NPFFR2: variants seen among roughly 807,000 people sequenced by gnomAD.
The protein encoded by NPFFR2 is neuropeptide FF receptor 2, also known as G-protein coupled receptor 74.
NPFFR2 carries 15 observed loss-of-function variants against 13.1 expected under a neutral mutation model. The observed-to-expected ratio is 1.15, with a 90% CI of 0.77 to 1.76. NPFFR2 has a LOEUF of 1.76. Among genes scored for constraint, NPFFR2 ranks in the 40% most tolerant of loss-of-function variants. The probability of loss-of-function intolerance (pLI) is 0.00; values close to 1 mark genes in which losing one functional copy is unlikely to be tolerated. For synonymous variants in NPFFR2, 190 were observed against 175.7 expected (o/e 1.08, Z -0.65); for missense variants, 572 against 503.5 (o/e 1.14, Z -1.30).
chr4:72,101,778 G>A (rs1029826905), intron 1 of NPFFR2, among the ~76,000 whole-genome samples: 1 of 152,010 alleles, frequency 6.6e-6, no homozygotes, highest in African/African-American at 2.4e-5. Context: ...ATAATCAGCT[G>A]GAACAGAGTG....
intron 1 of NPFFR2, among the ~76,000 whole-genome samples, chr4:72,124,140 C>A (rs2109830334): frequency 6.6e-6 from 1 of 152,272 alleles, no homozygotes; most frequent in East Asian, 1.9e-4. Flanking sequence ...AGAGCCAAAT[C>A]ATGAGTGAAC....
intron 1 of NPFFR2, among the ~76,000 whole-genome samples, chr4:72,107,848 A>G (rs1173308155): frequency 6.6e-6 from 1 of 152,078 alleles, no homozygotes; most frequent in Non-Finnish European, 1.5e-5. Flanking sequence ...AATTGTATGA[A>G]ATAGACTAAA....
intron 1 of NPFFR2, among the ~76,000 whole-genome samples, chr4:72,099,508 G>A (rs1215113543): frequency 1.3e-5 from 2 of 152,066 alleles, no homozygotes; most frequent in Non-Finnish European, 2.9e-5. Context: ...GAGGCCTTGG[G>A]GAGTTTTTAC....
chr4:72,117,728 C>T (rs1721753610), intron 1 of NPFFR2, among the ~76,000 whole-genome samples: 1 of 152,188 alleles, frequency 6.6e-6, no homozygotes, highest in Admixed American at 6.5e-5. Context: ...AACTGTTTCC[C>T]TGATGGAATG....
intron 1 of NPFFR2, among the ~76,000 whole-genome samples, chr4:72,123,436 A>G (rs954042646): frequency 3.9e-5 from 6 of 152,248 alleles, no homozygotes; most frequent in Non-Finnish European, 5.9e-5. Context: ...TCATCAGGAT[A>G]CCAAAACCTG....
chr4:72,046,195 C>T lies in NPFFR2; in HGVS notation c.-8+13995C>T, dbSNP rs541720396. Among the ~76,000 whole-genome samples the T allele has an allele frequency of 1.2e-3, 186 of 152,258 alleles. 2 individuals are homozygous for T. In the South Asian group the frequency reaches 0.015, roughly 12 times the overall value. ...TGGATAGTTACTTATACTTTTCCTG[C>T]TTCAGCACTGTAAAATATAGATAAT... On this transcript the variant is annotated intron_variant, in intron 1 of 3. Coordinates refer to ENST00000308744, the MANE Select transcript of NPFFR2 (RefSeq NM_004885.3).
chr4:72,075,172 A>G (rs558171863), intron 1 of NPFFR2, among the ~76,000 whole-genome samples: 1 of 152,238 alleles, frequency 6.6e-6, no homozygotes, highest in Non-Finnish European at 1.5e-5. Context: ...TAAAGCAGGT[A>G]GAAAAACATG....
chr4:72,042,562 A>G (rs1248338770), intron 1 of NPFFR2, among the ~76,000 whole-genome samples: 1 of 152,218 alleles, frequency 6.6e-6, no homozygotes, highest in African/African-American at 2.4e-5. Context: ...CAAAATGCTG[A>G]TAGTGATATG....
In NPFFR2 at chr4:72,147,426, C is replaced by T. The variant is rs1365044595; in HGVS notation, c.877C>T (p.Leu293=). The T allele has an allele frequency of 1.2e-6, 2 of 1,614,196 alleles. No homozygotes were observed. Among genetic ancestry groups the T allele is most frequent in the South Asian group, 1.1e-5 (1 of 91,086 alleles). ...FILSWLPLWT[L]MMLSDYADLS... ...TCTCTCATGGCTGCCCCTGTGGACTCTAATGATGCTCTCAGACTACGCTGA... is the reference window on the plus strand; with the variant it reads ...TCTCTCATGGCTGCCCCTGTGGACTTTAATGATGCTCTCAGACTACGCTGA... The change falls in exon 4 of 4, where the codon CTA becomes TTA. Residue 293 remains leucine, a synonymous_variant. Transcript: ENST00000308744.
intron 1 of NPFFR2, among the ~76,000 whole-genome samples, chr4:72,118,137 T>TATA (rs1481977094): frequency 2.6e-5 from 4 of 152,182 alleles, no homozygotes; most frequent in Non-Finnish European, 5.9e-5. Flanking sequence ...ATAAATTATA[T>TATA]TGTAAGGTTG....
rs749895997 is a variant in NPFFR2, at chr4:72,147,005, A to G, written c.456A>G (p.Lys152=). The G allele has an allele frequency of 9.4e-5, 152 of 1,613,550 alleles. No homozygotes were observed. Among genetic ancestry groups the G allele is most frequent in the Non-Finnish European group, 1.2e-4 (140 of 1,179,794 alleles). Residue 152 remains lysine, a synonymous_variant, in exon 4 of 4, where the codon AAA becomes AAG. Coordinates refer to ENST00000308744, the MANE Select transcript of NPFFR2 (RefSeq NM_004885.3). ...DRFQCVVYPF[K]PKLTIKTAFV... is the part of the protein sequence containing the mutation. ...TCCAGTGTGTGGTCTACCCTTTTAAACCAAAGCTCACTATCAAGACAGCGT... is the reference window on the plus strand; with the variant it reads ...TCCAGTGTGTGGTCTACCCTTTTAAGCCAAAGCTCACTATCAAGACAGCGT...
intron 3 of NPFFR2, among the ~76,000 whole-genome samples, chr4:72,143,760 C>A (rs1191576733): frequency 1.3e-5 from 2 of 152,288 alleles, no homozygotes; most frequent in Non-Finnish European, 2.9e-5. Flanking sequence ...ATCTCTGTAT[C>A]TCAAATCCAA....
intron 1 of NPFFR2, among the ~76,000 whole-genome samples, chr4:72,094,425 A>T (rs1002343860): frequency 6.6e-6 from 1 of 152,170 alleles, no homozygotes; most frequent in African/African-American, 2.4e-5. Context: ...CCAGGAGACT[A>T]TGTCCTTTGT....
rs1720667281 is a variant in NPFFR2, at chr4:72,082,833, C to T, written c.-7-45752C>T. Among the ~76,000 whole-genome samples, 4 of 152,230 alleles carry T rather than the reference C, an allele frequency of 2.6e-5. No homozygotes were observed. The South Asian group carries it at 8.3e-4, about 32-fold the overall frequency. On this transcript the variant is annotated intron_variant, in intron 1 of 3. Transcript: ENST00000308744. Reference sequence around the variant, plus strand: ...CACCTGCCCACCCCAGCCCCCACTCCCTGGTAGCCCCTATTTTCCAATCTA... The same window carrying T: ...CACCTGCCCACCCCAGCCCCCACTCTCTGGTAGCCCCTATTTTCCAATCTA...
At chr4:72,035,037 G>A (rs967548524) in intron 1 of NPFFR2, among the ~76,000 whole-genome samples, 7 of 152,204 alleles carry the variant, frequency 4.6e-5, no homozygotes, top group African/African-American at 1.4e-4. Flanking sequence ...GTAAAAGGAT[G>A]AATTATAATT....
At chr4:72,081,051 G>A (rs1443729606) in intron 1 of NPFFR2, among the ~76,000 whole-genome samples, 1 of 152,094 alleles carries the variant, frequency 6.6e-6, no homozygotes, top group Non-Finnish European at 1.5e-5. Flanking sequence ...ACTCCTAGTG[G>A]TCCTCTGCTC....
intron 1 of NPFFR2, among the ~76,000 whole-genome samples, chr4:72,064,154 C>T (rs1356182771): frequency 6.6e-6 from 1 of 152,140 alleles, no homozygotes; most frequent in Non-Finnish European, 1.5e-5. Context: ...TTTATTTCTG[C>T]AAATGAATTA....
intron 2 of NPFFR2, among the ~76,000 whole-genome samples, chr4:72,132,989 CTTTAG>C (rs760465709): frequency 1.3e-5 from 2 of 152,064 alleles, no homozygotes; most frequent in Non-Finnish European, 2.9e-5. Flanking sequence ...TGTGGAAGCT[CTTTAG>C]TTTAATTATT....
chr4:72,124,272 C>G (rs577368512), intron 1 of NPFFR2, among the ~76,000 whole-genome samples: 1 of 151,854 alleles, frequency 6.6e-6, no homozygotes, highest in South Asian at 2.1e-4. Flanking sequence ...AGGACACAAG[C>G]AATGCCCATG....
Sources: gnomAD v4.1 joint callset for allele counts (sites outside exome capture counted in the v4.1 genomes callset) on GRCh38, gnomAD v4.1.1 for gene constraint, MANE v1.5 for transcripts, NCBI Gene and HGNC (gene_info 2026-07-23, HGNC 2026-07-21) for gene names.